Variants in CDH13 observed in about 807,000 individuals in gnomAD.
The protein encoded by CDH13 is cadherin 13.
A neutral mutation model predicts 63.8 loss-of-function variants in CDH13; 24 were observed. The observed-to-expected ratio is 0.38, with a 90% CI of 0.27 to 0.53. CDH13 has a LOEUF of 0.53. CDH13 is among the 20% of genes least tolerant of loss of function. CDH13 has a pLI of 0.85. For synonymous variants in CDH13, 503 were observed against 355.3 expected (o/e 1.42, Z -4.67); for missense variants, 1,049 against 903.1 (o/e 1.16, Z -2.07).
At chr16:83,576,186 GC>G (rs1905074990) in intron 7 of CDH13, among the ~76,000 whole-genome samples, 1 of 151,980 alleles carries the variant, frequency 6.6e-6, no homozygotes, top group South Asian at 2.1e-4. Context: ...CCAGTCCCTG[GC>G]TAAAAACAAC....
rs371754814 is a variant in CDH13, at chr16:82,786,141, G to C, written c.46-72221G>C. On this transcript the variant is annotated intron_variant, in intron 1 of 13. Transcript: ENST00000567109. The stretch of plus-strand genomic sequence containing the variant: ...AGGGTGGAGCAGGTGATCAGAATGA[G>C]TCAGGGTGGAGTAGGTAATGGAAAA... Among the ~76,000 whole-genome samples the C allele has an allele frequency of 3.3e-5, 5 of 152,322 alleles. No homozygotes were observed. In the East Asian group the frequency reaches 5.8e-4, roughly 18 times the overall value.
At chr16:83,208,037 T>C (rs1439345140) in intron 4 of CDH13, among the ~76,000 whole-genome samples, 1 of 152,198 alleles carries the variant, frequency 6.6e-6, no homozygotes, top group Non-Finnish European at 1.5e-5. Context: ...CCATCTTGCC[T>C]GTAACCTTAG....
chr16:83,405,469 T>A (rs1458040898), intron 6 of CDH13, among the ~76,000 whole-genome samples: 1 of 152,116 alleles, frequency 6.6e-6, no homozygotes, highest in Admixed American at 6.5e-5. Context: ...GGCTTTGAAG[T>A]TGGAGGAAGA....
At chr16:83,744,979 G>T (rs758586359) in intron 10 of CDH13, among the ~76,000 whole-genome samples, 31 of 152,178 alleles carry the variant, frequency 2.0e-4, no homozygotes, top group Non-Finnish European at 3.8e-4. Flanking sequence ...TCCCAACCAT[G>T]CCCCATATTA....
At chr16:83,433,303 G>A (rs909470589) in intron 6 of CDH13, among the ~76,000 whole-genome samples, 4 of 152,212 alleles carry the variant, frequency 2.6e-5, no homozygotes, top group Non-Finnish European at 4.4e-5. Context: ...TGTAAAATGA[G>A]GGAAATAAGA....
At chr16:83,065,529 A>T (rs1301162760) in intron 3 of CDH13, among the ~76,000 whole-genome samples, 1 of 151,922 alleles carries the variant, frequency 6.6e-6, no homozygotes, top group Non-Finnish European at 1.5e-5. Context: ...ACATGCTGAA[A>T]CCCCGTCTCT....
chr16:83,060,264 A>T (rs2031404499), intron 3 of CDH13, among the ~76,000 whole-genome samples: 1 of 152,198 alleles, frequency 6.6e-6, no homozygotes, highest in East Asian at 1.9e-4. Flanking sequence ...GTTCAAATTA[A>T]AGAATATAGG....
chr16:82,858,264 A>C (rs2151165797), intron 1 of CDH13, 98 bp from the exon 2 acceptor site: 1 of 709,420 alleles, frequency 1.4e-6, no homozygotes, highest in South Asian at 1.9e-5. Context: ...AATGAAATCA[A>C]AACCTCAGCT....
intron 5 of CDH13, among the ~76,000 whole-genome samples, chr16:83,239,132 G>T (rs1391389101): frequency 1.3e-5 from 2 of 152,160 alleles, no homozygotes; most frequent in Non-Finnish European, 2.9e-5. Context: ...TGTCACACTT[G>T]CTGTTTAACA....
intron 6 of CDH13, among the ~76,000 whole-genome samples, chr16:83,469,908 T>C (rs2073412271): frequency 6.6e-6 from 1 of 152,226 alleles, no homozygotes; most frequent in Admixed American, 6.5e-5. Flanking sequence ...GCTGCTGCAG[T>C]TTCTCCAAAC....
chr16:83,416,913 T>C (rs1023410178), intron 6 of CDH13, among the ~76,000 whole-genome samples: 2 of 152,198 alleles, frequency 1.3e-5, no homozygotes, highest in African/African-American at 4.8e-5. Context: ...AAAAAAAATG[T>C]GCAAAGTCTT....
At chr16:83,191,502 TATAC>T (rs1415041868) in intron 4 of CDH13, among the ~76,000 whole-genome samples, 95 of 71,216 alleles carry the variant, frequency 1.3e-3, no homozygotes, top group African/African-American at 2.0e-3. Context: ...CATATATATA[TATAC>T]ACACACACAC....
chr16:83,397,775 T>G (rs1390557155), intron 6 of CDH13, among the ~76,000 whole-genome samples: 1 of 152,248 alleles, frequency 6.6e-6, no homozygotes, highest in Non-Finnish European at 1.5e-5. Flanking sequence ...GAACTCTTGA[T>G]GGCAAGAATC....
chr16:83,172,056 C>G (rs752921211), intron 4 of CDH13, among the ~76,000 whole-genome samples: 1 of 152,034 alleles, frequency 6.6e-6, no homozygotes, highest in African/African-American at 2.4e-5. Context: ...CAGAGTGTGA[C>G]CTTACTTGGA....
intron 10 of CDH13, among the ~76,000 whole-genome samples, chr16:83,723,956 T>C (rs1464938707): frequency 2.0e-5 from 3 of 152,200 alleles, no homozygotes; most frequent in African/African-American, 7.2e-5. Flanking sequence ...GAGTGATGAA[T>C]GCCTGGGTGG....
At chr16:83,297,808 G>A (rs1347336204) in intron 5 of CDH13, among the ~76,000 whole-genome samples, 2 of 152,076 alleles carry the variant, frequency 1.3e-5, no homozygotes, top group African/African-American at 2.4e-5. Context: ...ACTAATCGAA[G>A]GACATTCAAG....
chr16:82,928,329 A>G (rs2042371097), intron 2 of CDH13, among the ~76,000 whole-genome samples: 1 of 152,232 alleles, frequency 6.6e-6, no homozygotes, highest in African/African-American at 2.4e-5. Flanking sequence ...TAAGCATTGC[A>G]TAAATGATAT....
intron 1 of CDH13, among the ~76,000 whole-genome samples, chr16:82,740,917 G>A (rs2033898107): frequency 1.3e-5 from 2 of 151,964 alleles, no homozygotes; most frequent in South Asian, 4.2e-4. Flanking sequence ...TTTGTTTTAG[G>A]GTTTATATAA....
At chr16:82,911,498 C>T (rs2041828578) in intron 2 of CDH13, among the ~76,000 whole-genome samples, 1 of 152,176 alleles carries the variant, frequency 6.6e-6, no homozygotes, top group Non-Finnish European at 1.5e-5. Context: ...CTCCTGCCTG[C>T]TGTACTGTCC....
Sources: allele counts gnomAD v4.1 joint callset (sites outside exome capture counted in the v4.1 genomes callset), GRCh38; gene constraint gnomAD v4.1.1; transcripts MANE v1.5; gene names NCBI Gene and HGNC (gene_info 2026-07-23, HGNC 2026-07-21).